CYP4F3: variants seen among roughly 807,000 people sequenced by gnomAD.
CYP4F3 encodes cytochrome P450 family 4 subfamily F member 3.
CYP4F3 carries 50 observed loss-of-function variants against 54.8 expected under a neutral mutation model. The observed-to-expected ratio is 0.91, with a 90% confidence interval of 0.73 to 1.16. The LOEUF is 1.16. Ranked by LOEUF, CYP4F3 falls within the 50% of genes most tolerant of loss-of-function variation. The pLI, the probability that CYP4F3 is intolerant of heterozygous loss-of-function variation, is 0.00. For synonymous variants in CYP4F3, 244 were observed against 262.6 expected (o/e 0.93, Z 0.69); for missense variants, 715 against 676.2 (o/e 1.06, Z -0.64).
At position 15,645,851 on chromosome 19, in the gene CYP4F3, C is replaced by G; in HGVS notation, c.331C>G (p.Leu111Val). 1 of 1,609,006 alleles carries G rather than the reference C, an allele frequency of 6.2e-7. No individual in the cohort carries two copies. The highest frequency in any genetic ancestry group is 1.3e-5 in the African/African-American group (1 of 75,020). The stretch of plus-strand genomic sequence containing the variant: ...CCACCCCACCTACATCAAGCCTGTG[C>G]TCTTTGCTCCAGGTAGACACTGCAC... The part of the protein sequence containing the change: ...IFHPTYIKPV[L>V]FAPAAIVPKD... Residue 111 changes from leucine (L) to valine (V), a missense_variant, in exon 3 of 13, where the codon CTC becomes GTC. By Grantham distance (32) the Leu-to-Val change is conservative. Coordinates refer to ENST00000221307, the MANE Select transcript of CYP4F3 (RefSeq NM_000896.3).
In CYP4F3 at chr19:15,658,368, T is replaced by A. The variant is rs943046931; in HGVS notation, c.1220T>A (p.Val407Glu). Residue 407 changes from valine to glutamate, a missense_variant, in exon 10 of 13, where the codon GTG becomes GAG. Transcript: ENST00000221307. ...AVSRCCTQDI[V>E]LPDGRVIPKG... ...TCTCGCTGCTGCACCCAAGACATTG[T>A]GCTCCCAGACGGCCGGGTCATCCCC... The A allele has an allele frequency of 3.1e-6, 5 of 1,614,006 alleles. No individual in the cohort carries two copies. In the African/African-American group the frequency reaches 6.7e-5, roughly 22 times the overall value.
chr19:15,656,505 C>CTATG (rs1973017462), intron 9 of CYP4F3, among the ~76,000 whole-genome samples: 3 of 59,952 alleles, frequency 5.0e-5, no homozygotes, highest in African/African-American at 9.5e-5. Context: ...ATCTATCTAT[C>CTATG]TATCTATCTA....
At chr19:15,646,346 G>A (rs1290625) in intron 3 of CYP4F3, among the ~76,000 whole-genome samples, 10,463 of 152,212 alleles carry the variant, frequency 0.069, 423 homozygotes, top group South Asian at 0.19. Context: ...GGTTGTGTGA[G>A]GTCTGGGACC....
At position 15,650,364 on chromosome 19, in the gene CYP4F3, A is replaced by T. The variant is rs954156030; in HGVS notation, c.918+181A>T. 5.8e-6 allele frequency: 7 copies of T among 1,206,400 alleles called. No homozygotes were observed. The South Asian group carries it at 9.4e-5, about 16-fold the overall frequency. The allele number at this position is 1,206,400 out of a possible 1,614,324, so 74.7% of individuals were successfully genotyped here. Reference sequence around the variant, plus strand: ...TCTGTGGACTAGCACCTACCAGGGGACTGCTAAATGAAATTGTGATGAGTC... The same window carrying T: ...TCTGTGGACTAGCACCTACCAGGGGTCTGCTAAATGAAATTGTGATGAGTC... On this transcript the variant is annotated intron_variant, in intron 7 of 12. Transcript: ENST00000221307.
chr19:15,653,241 C>G (rs928976889), intron 9 of CYP4F3, among the ~76,000 whole-genome samples: 3 of 152,184 alleles, frequency 2.0e-5, no homozygotes, highest in African/African-American at 7.2e-5. Flanking sequence ...CCACTCTCTT[C>G]CTTTTCTCCA....
chr19:15,646,731 G>T (rs1972635856), intron 3 of CYP4F3, among the ~76,000 whole-genome samples: 1 of 152,120 alleles, frequency 6.6e-6, no homozygotes, highest in Non-Finnish European at 1.5e-5. Flanking sequence ...CCTTGTGAAG[G>T]CATTCTGTAG....
At chr19:15,645,956 G>C in intron 3 of CYP4F3, 93 bp downstream of exon 3, 1 of 1,441,912 alleles carries the variant, frequency 6.9e-7, no homozygotes. Context: ...CGGGTCGCGT[G>C]CCCATGTGCA....
At chr19:15,649,046 C>T in intron 5 of CYP4F3, 114 bp from the exon 6 acceptor site, 1 of 1,495,408 alleles carries the variant, frequency 6.7e-7, no homozygotes, top group Non-Finnish European at 8.9e-7. Flanking sequence ...GTAAAGGGTC[C>T]CTGGGGAGAA....
intron 3 of CYP4F3, 66 bp from the exon 4 acceptor site, chr19:15,646,985 TC>T (rs28371475): frequency 3.1e-6 from 5 of 1,599,438 alleles, no homozygotes; most frequent in African/African-American, 1.4e-5. Flanking sequence ...GCTGGGAGCC[TC>T]CCCCCACCCC....
chr19:15,645,911 C>A, intron 3 of CYP4F3, 48 bp downstream of exon 3: 1 of 1,525,512 alleles, frequency 6.6e-7, no homozygotes, highest in Non-Finnish European at 8.9e-7. Flanking sequence ...CTGGCCACGC[C>A]TTGCCCACAG....
In CYP4F3 at chr19:15,658,416, G is replaced by A. The variant is rs1217836647; in HGVS notation, c.1249+19G>A. 3 of 1,613,704 alleles carry A rather than the reference G, an allele frequency of 1.9e-6. No homozygotes were observed. The highest frequency in any genetic ancestry group is 1.3e-5 in the African/African-American group (1 of 75,062). On this transcript the variant is annotated intron_variant, in intron 10 of 12. Coordinates refer to ENST00000221307, the MANE Select transcript of CYP4F3 (RefSeq NM_000896.3). The stretch of plus-strand genomic sequence containing the variant: ...CCCAAAGGTGCCACAGCCTCAGGGG[G>A]AGGAGCCTCCTGGGTAGGAAGAGGG...
Position 15,659,327 on chromosome 19 carries a change from C to T in CYP4F3, c.1505C>T (p.Pro502Leu), listed in dbSNP as rs376424029. ...LPDHTEPRRKPELVLRAEGGL... is the reference protein window; with the variant it reads ...LPDHTEPRRKLELVLRAEGGL... ...GACCACACCGAGCCCCGCAGGAAGC[C>T]GGAGCTGGTCCTGCGCGCAGAGGGC... The change falls in exon 13 of 13, where the codon CCG becomes CTG. Residue 502 changes from proline to leucine, a missense_variant. By Grantham distance (98) the Pro-to-Leu change is moderately conservative (BLOSUM62 -3). Coordinates refer to ENST00000221307, the MANE Select transcript of CYP4F3 (RefSeq NM_000896.3). 7 of 1,613,536 alleles carry T rather than the reference C, an allele frequency of 4.3e-6. No individual in the cohort carries two copies. In the African/African-American group the frequency reaches 8.0e-5, roughly 18 times the overall value.
chr19:15,641,327 C>T (rs1290618), intron 1 of CYP4F3, 88 bp from the exon 2 acceptor site: 356,062 of 1,490,892 alleles, frequency 0.24, 44,148 homozygotes, highest in Middle Eastern at 0.28. Context: ...CAGCACTGCC[C>T]GTCTCTGCCT....
chr19:15,658,952 C>A, intron 12 of CYP4F3, 143 bp downstream of exon 12: 1 of 1,283,556 alleles, frequency 7.8e-7, no homozygotes, highest in Non-Finnish European at 1.1e-6. Context: ...TGGGAAAAGG[C>A]CCACAGAGTA....
At chr19:15,646,858 G>A (rs949217555) in intron 3 of CYP4F3, among the ~76,000 whole-genome samples, 194 bp from the exon 4 acceptor site, 8 of 152,116 alleles carry the variant, frequency 5.3e-5, no homozygotes, top group Non-Finnish European at 1.2e-4. Context: ...TCATTGCTGT[G>A]CTGTGCTGCC....
Position 15,659,290 on chromosome 19 carries a change from C to A in CYP4F3, c.1468C>A (p.Arg490Ser). 6.2e-7 allele frequency: 1 copy of A among 1,613,588 alleles called. No homozygotes were observed. Among genetic ancestry groups the A allele is most frequent in the East Asian group, 2.2e-5 (1 of 44,854 alleles). ...CCTGGGGCTCACGCTGCTGCGCTTC[C>A]GCGTCCTGCCTGACCACACCGAGCC... The part of the protein sequence containing the change: ...VVLGLTLLRF[R>S]VLPDHTEPRR... Residue 490 changes from arginine to serine, a missense_variant, in exon 13 of 13, where the codon CGC (arginine) becomes AGC (serine). Physicochemically the swap from Arg to Ser is moderately radical, Grantham distance 110. Coordinates refer to ENST00000221307, the MANE Select transcript of CYP4F3 (RefSeq NM_000896.3).
chr19:15,643,482 A>G (rs1447666893), intron 2 of CYP4F3, among the ~76,000 whole-genome samples: 1 of 152,144 alleles, frequency 6.6e-6, no homozygotes, highest in Admixed American at 6.5e-5. Context: ...AGACAGATAG[A>G]TAGATAGAAG....
intron 5 of CYP4F3, 118 bp from the exon 6 acceptor site, chr19:15,649,042 G>T: frequency 6.8e-7 from 1 of 1,468,658 alleles, no homozygotes. Context: ...CCGGGTAAAG[G>T]GTCCCTGGGG....
chr19:15,656,733 TATC>T (rs1182583552), intron 9 of CYP4F3, among the ~76,000 whole-genome samples: 65 of 86,544 alleles, frequency 7.5e-4, no homozygotes, highest in African/African-American at 3.3e-3. Flanking sequence ...TCTATTTATC[TATC>T]TATCTATCTA....
Sources: allele counts gnomAD v4.1 joint callset (sites outside exome capture counted in the v4.1 genomes callset), GRCh38; gene constraint gnomAD v4.1.1; transcripts MANE v1.5; gene names NCBI Gene and HGNC (gene_info 2026-07-23, HGNC 2026-07-21).